Variants in SLC9D1 observed in about 807,000 individuals in gnomAD.
SLC9D1 encodes the protein putative LAG1-interacting protein.
chr13:113,522,205 A>G, the SLC9D1 span, among the ~76,000 whole-genome samples: 1 of 151,512 alleles, frequency 6.6e-6, no homozygotes, highest in Non-Finnish European at 1.5e-5. Flanking sequence ...TTTATTGTAG[A>G]CTCTCTTTGT....
At chr13:113,514,591 G>A in the SLC9D1 span, 4 of 132,458 alleles carry the variant, frequency 3.0e-5, no homozygotes, top group Admixed American at 2.2e-4. Context: ...GACTGAGATC[G>A]ACGCCATCCA....
the SLC9D1 span, among the ~76,000 whole-genome samples, chr13:113,547,562 T>G: frequency 6.6e-6 from 1 of 152,194 alleles, no homozygotes; most frequent in East Asian, 1.9e-4. Flanking sequence ...CTGGGCGGTC[T>G]GGGTTTGTCC....
At chr13:113,523,520 G>A in the SLC9D1 span, among the ~76,000 whole-genome samples, 152,313 of 152,320 alleles carry the variant, frequency 1, 76,153 homozygotes, top group Middle Eastern at 1. Context: ...CATTGCTTAT[G>A]TTGATAACTT....
At chr13:113,522,813 G>T in the SLC9D1 span, among the ~76,000 whole-genome samples, 1 of 151,886 alleles carries the variant, frequency 6.6e-6, no homozygotes, top group African/African-American at 2.4e-5. Context: ...CATATTTTTA[G>T]TAGAGACAGG....
the SLC9D1 span, chr13:113,505,442 C>G: frequency 6.6e-6 from 1 of 152,244 alleles, no homozygotes; most frequent in Non-Finnish European, 1.5e-5. Flanking sequence ...TGGAACCAGT[C>G]CTGAGCATCT....
At chr13:113,500,570 G>A in the SLC9D1 span, among the ~76,000 whole-genome samples, 1 of 152,182 alleles carries the variant, frequency 6.6e-6, no homozygotes, top group Non-Finnish European at 1.5e-5. Flanking sequence ...GTTCCAGATG[G>A]AACTGGATTC....
the SLC9D1 span, chr13:113,491,096 C>T: frequency 6.5e-6 from 1 of 153,580 alleles, no homozygotes; most frequent in Non-Finnish European, 1.4e-5. Context: ...GACTCCCGGC[C>T]TCCCGGCCTC....
chr13:113,522,380 G>A, the SLC9D1 span, among the ~76,000 whole-genome samples: 11 of 152,242 alleles, frequency 7.2e-5, no homozygotes, highest in Admixed American at 1.3e-4. Context: ...TCGCTCTGTC[G>A]CCCAGCCTGG....
At chr13:113,546,561 G>A in the SLC9D1 span, among the ~76,000 whole-genome samples, 1 of 152,212 alleles carries the variant, frequency 6.6e-6, no homozygotes, top group Non-Finnish European at 1.5e-5. This position sits in a 1 kb window ranked among gnomAD's most constrained non-coding sequence, Gnocchi z 7.1. Context: ...GGTAGAGACA[G>A]TGGTTTGTGA....
At chr13:113,539,694 A>C in the SLC9D1 span, among the ~76,000 whole-genome samples, 1 of 152,140 alleles carries the variant, frequency 6.6e-6, no homozygotes, top group South Asian at 2.1e-4. The surrounding 1 kb of genome is among the most constrained non-coding windows in gnomAD (Gnocchi z 4.8). Flanking sequence ...AGCGCAGAGA[A>C]ATCTTATTTT....
chr13:113,548,705 TC>T, the SLC9D1 span, among the ~76,000 whole-genome samples: 1 of 152,244 alleles, frequency 6.6e-6, no homozygotes, highest in African/African-American at 2.4e-5. Context: ...GTCAGATATT[TC>T]TTCTGAAAGA....
At chr13:113,497,933 T>C in the SLC9D1 span, among the ~76,000 whole-genome samples, 12 of 152,238 alleles carry the variant, frequency 7.9e-5, no homozygotes, top group Non-Finnish European at 2.9e-5. Context: ...AGCTTTCCCT[T>C]GTAACTTGAA....
the SLC9D1 span, chr13:113,501,880 G>GTCCAA: frequency 6.2e-7 from 1 of 1,606,234 alleles, no homozygotes; most frequent in South Asian, 1.1e-5. Flanking sequence ...ATAGTATTAA[G>GTCCAA]GTAAGAACAA....
At chr13:113,531,490 TGC>T in the SLC9D1 span, among the ~76,000 whole-genome samples, 1 of 128,316 alleles carries the variant, frequency 7.8e-6, no homozygotes, top group African/African-American at 2.7e-5. Flanking sequence ...AAGAGCAGCA[TGC>T]GTGTGGACCT....
chr13:113,519,968 A>G, the SLC9D1 span, among the ~76,000 whole-genome samples: 32,000 of 152,226 alleles, frequency 0.21, 4,092 homozygotes, highest in African/African-American at 0.36. Flanking sequence ...GGTGAGAAGC[A>G]AAGGCTTCTC....
the SLC9D1 span, among the ~76,000 whole-genome samples, chr13:113,494,843 A>C: frequency 6.6e-6 from 1 of 151,954 alleles, no homozygotes; most frequent in African/African-American, 2.4e-5. Flanking sequence ...TGTGAGGGGA[A>C]GTTGATGGTA....
At chr13:113,499,613 G>C in the SLC9D1 span, among the ~76,000 whole-genome samples, 1 of 152,096 alleles carries the variant, frequency 6.6e-6, no homozygotes, top group Non-Finnish European at 1.5e-5. Flanking sequence ...AAAAGGTTGG[G>C]TAATAAAAAC....
chr13:113,524,970 T>A, the SLC9D1 span, among the ~76,000 whole-genome samples: 2 of 152,232 alleles, frequency 1.3e-5, no homozygotes, highest in African/African-American at 4.8e-5. Context: ...GTGGGTTGAC[T>A]GCGTGTTTTC....
At chr13:113,509,303 T>G in the SLC9D1 span, among the ~76,000 whole-genome samples, 992 of 95,196 alleles carry the variant, frequency 0.01, 54 homozygotes, top group African/African-American at 0.025. Context: ...CCCTGGAGCT[T>G]CCTGTGTTAG....
Sources: allele counts gnomAD v4.1 joint callset (sites outside exome capture counted in the v4.1 genomes callset), GRCh38; gene constraint gnomAD v4.1.1; non-coding constraint Gnocchi (gnomAD v3.1); transcripts MANE v1.5; gene names NCBI Gene and HGNC (gene_info 2026-07-23, HGNC 2026-07-21).